RAP1GDS1: variants seen among roughly 807,000 people sequenced by gnomAD.
The protein encoded by RAP1GDS1 is Rap1 GTPase-GDP dissociation stimulator 1, also known as RAP1, GTP-GDP dissociation stimulator 1.
RAP1GDS1 carries 35 observed loss-of-function variants against 71.1 expected under a neutral mutation model. The observed-to-expected ratio is 0.49, with a 90% CI of 0.38 to 0.65. RAP1GDS1 has a LOEUF of 0.65. Ranked by LOEUF, RAP1GDS1 falls within the 30% of genes least tolerant of loss-of-function variation. RAP1GDS1 has a pLI of 0.00. For missense variants in RAP1GDS1, 663 were observed against 706.1 expected (o/e 0.94, Z 0.69); for synonymous variants, 229 against 243.1 (o/e 0.94, Z 0.54).
At chr4:98,428,499 T>C (rs1749939605) in intron 12 of RAP1GDS1, among the ~76,000 whole-genome samples, 1 of 151,702 alleles carries the variant, frequency 6.6e-6, no homozygotes, top group Non-Finnish European at 1.5e-5. Flanking sequence ...TCAAACAAAC[T>C]AGCAAGAAAA....
At chr4:98,344,082 G>A (rs1220236904) in intron 3 of RAP1GDS1, among the ~76,000 whole-genome samples, 2 of 152,102 alleles carry the variant, frequency 1.3e-5, no homozygotes, top group East Asian at 3.8e-4. Context: ...ATGTTGGTTT[G>A]GGCTGGTAAA....
At chr4:98,305,706 AG>A (rs1186408691) in intron 2 of RAP1GDS1, among the ~76,000 whole-genome samples, 1 of 152,190 alleles carries the variant, frequency 6.6e-6, no homozygotes, top group African/African-American at 2.4e-5. Context: ...AAGGCAAAAA[AG>A]GACTCTCATG....
At chr4:98,384,566 G>C (rs1168733670) in intron 5 of RAP1GDS1, among the ~76,000 whole-genome samples, 1 of 151,510 alleles carries the variant, frequency 6.6e-6, no homozygotes, top group African/African-American at 2.4e-5. Context: ...AATTAGACCA[G>C]GTTAGCTTTT....
At chr4:98,293,884 G>A (rs1356642070) in intron 2 of RAP1GDS1, among the ~76,000 whole-genome samples, 2 of 151,966 alleles carry the variant, frequency 1.3e-5, no homozygotes, top group Non-Finnish European at 2.9e-5. Context: ...GAGTGGGGAG[G>A]GAGAGAGAGG....
intron 5 of RAP1GDS1, among the ~76,000 whole-genome samples, chr4:98,388,740 T>C (rs2110121344): frequency 6.6e-6 from 1 of 152,248 alleles, no homozygotes; most frequent in East Asian, 1.9e-4. Flanking sequence ...ATTTTTTTTT[T>C]TAAAATTAGG....
intron 8 of RAP1GDS1, 125 bp downstream of exon 8, chr4:98,417,013 T>G: frequency 9.1e-7 from 1 of 1,100,922 alleles, no homozygotes; most frequent in Non-Finnish European, 1.3e-6. Context: ...ATTGAGGTGA[T>G]GATTTTGACA....
intron 2 of RAP1GDS1, among the ~76,000 whole-genome samples, chr4:98,317,234 C>T (rs1279844458): frequency 6.6e-6 from 1 of 152,062 alleles, no homozygotes; most frequent in African/African-American, 2.4e-5. Context: ...TTGGCCTTTC[C>T]CCATGCCAGA....
At chr4:98,318,327 C>A (rs912854540) in intron 2 of RAP1GDS1, among the ~76,000 whole-genome samples, 3 of 152,068 alleles carry the variant, frequency 2.0e-5, no homozygotes, top group African/African-American at 7.2e-5. Context: ...TGGTTCTGAA[C>A]CCTCTGTATA....
intron 2 of RAP1GDS1, among the ~76,000 whole-genome samples, chr4:98,312,321 T>G (rs1238871346): frequency 6.6e-6 from 1 of 152,212 alleles, no homozygotes; most frequent in Non-Finnish European, 1.5e-5. Flanking sequence ...GTTTCATTTT[T>G]TCATAGCCCT....
chr4:98,428,219 T>G (rs1057373909), intron 12 of RAP1GDS1, among the ~76,000 whole-genome samples: 4 of 152,170 alleles, frequency 2.6e-5, no homozygotes, highest in Admixed American at 6.5e-5. Context: ...GATCAAGGAC[T>G]TAAATCTAAG....
At chr4:98,321,312 G>C (rs1001323668) in intron 2 of RAP1GDS1, among the ~76,000 whole-genome samples, 148 of 149,682 alleles carry the variant, frequency 9.9e-4, no homozygotes, top group African/African-American at 3.6e-3. Context: ...ACCTGAAAGT[G>C]AGGCGGAGAA....
chr4:98,265,708 G>A (rs1331472092), intron 1 of RAP1GDS1, among the ~76,000 whole-genome samples: 3 of 152,120 alleles, frequency 2.0e-5, no homozygotes, highest in Non-Finnish European at 2.9e-5. Context: ...TAGGGAAAAA[G>A]GAATGGTATG....
chr4:98,430,852 C>T (rs900398031), intron 12 of RAP1GDS1, among the ~76,000 whole-genome samples: 2 of 152,312 alleles, frequency 1.3e-5, no homozygotes, highest in African/African-American at 4.8e-5. Flanking sequence ...CCCTGAATTC[C>T]GTCTTGGAGT....
At chr4:98,354,252 C>T (rs1041423640) in intron 4 of RAP1GDS1, among the ~76,000 whole-genome samples, 3 of 151,350 alleles carry the variant, frequency 2.0e-5, no homozygotes, top group Non-Finnish European at 2.9e-5. Context: ...TTAGTAGAGA[C>T]GGGGTTTCAC....
chr4:98,432,205 C>T (rs75398279), intron 12 of RAP1GDS1, among the ~76,000 whole-genome samples: 1,926 of 152,284 alleles, frequency 0.013, 48 homozygotes, highest in African/African-American at 0.044. Flanking sequence ...AGAGAGGACA[C>T]TGTTCATTTC....
intron 4 of RAP1GDS1, among the ~76,000 whole-genome samples, chr4:98,373,021 A>T (rs1157778573): frequency 6.6e-6 from 1 of 152,202 alleles, no homozygotes; most frequent in Non-Finnish European, 1.5e-5. Flanking sequence ...ATTATCTTTT[A>T]AAAATAGGAG....
At chr4:98,374,620 A>C (rs1300226126) in intron 4 of RAP1GDS1, among the ~76,000 whole-genome samples, 1 of 152,076 alleles carries the variant, frequency 6.6e-6, no homozygotes, top group Non-Finnish European at 1.5e-5. Flanking sequence ...ACTTCCTTTT[A>C]ATTTAGGGTG....
chr4:98,331,078 C>A lies in RAP1GDS1; in HGVS notation c.113-12061C>A, dbSNP rs114917588. 7.9e-3 allele frequency among the ~76,000 whole-genome samples: 1,203 copies of A among 152,264 alleles called. 15 individuals are homozygous for A. Among genetic ancestry groups the A allele is most frequent in the African/African-American group, 0.028 (1,151 of 41,548 alleles). ...CGGGAGGCCAAGGCGGGCAGATACTCGAGGTCAGGAGCTGGAGACCAGCCC... is the reference window on the plus strand; with the variant it reads ...CGGGAGGCCAAGGCGGGCAGATACTAGAGGTCAGGAGCTGGAGACCAGCCC... On this transcript the variant is annotated intron_variant, in intron 2 of 14. Coordinates refer to ENST00000408927, the MANE Select transcript of RAP1GDS1 (RefSeq NM_001100427.2).
chr4:98,296,886 TA>T, intron 2 of RAP1GDS1: 1 of 384,624 alleles, frequency 2.6e-6, no homozygotes, highest in South Asian at 1.9e-5. Flanking sequence ...CTATTTGTAA[TA>T]AAAATTCTAT....
Sources: allele counts gnomAD v4.1 joint callset (sites outside exome capture counted in the v4.1 genomes callset), GRCh38; gene constraint gnomAD v4.1.1; transcripts MANE v1.5; gene names NCBI Gene and HGNC (gene_info 2026-07-23, HGNC 2026-07-21).